SH3GL3: variants seen among roughly 807,000 people sequenced by gnomAD.
SH3GL3 encodes endophilin-A3.
Under a neutral mutation model 47.7 loss-of-function variants are expected in SH3GL3, and 33 were observed. The ratio of observed to expected loss-of-function variants is 0.69; its 90% CI spans 0.52 to 0.92. The LOEUF (loss-of-function observed/expected upper bound fraction) is 0.92. Among genes scored for constraint, SH3GL3 ranks in the 40% least tolerant of loss-of-function variants. SH3GL3 has a pLI of 0.00. For synonymous variants in SH3GL3, 155 were observed against 148.8 expected, an observed-to-expected ratio of 1.04 and a Z score of -0.30; for missense variants, 363 against 417.8, an observed-to-expected ratio of 0.87 and a Z score of 1.14.
intron 1 of SH3GL3, among the ~76,000 whole-genome samples, chr15:83,492,758 C>T (rs1436968512): frequency 6.6e-6 from 1 of 152,224 alleles, no homozygotes; most frequent in Non-Finnish European, 1.5e-5. Context: ...CAGTGGTGCC[C>T]CACACTGTTT....
chr15:83,506,126 A>G (rs2042490493), intron 1 of SH3GL3, among the ~76,000 whole-genome samples: 1 of 152,118 alleles, frequency 6.6e-6, no homozygotes, highest in Non-Finnish European at 1.5e-5. Flanking sequence ...CTTTGCCATT[A>G]TAGTTCCTGA....
chr15:83,513,204 A>G (rs1429026365), intron 1 of SH3GL3, among the ~76,000 whole-genome samples: 1 of 152,238 alleles, frequency 6.6e-6, no homozygotes, highest in Non-Finnish European at 1.5e-5. Flanking sequence ...GTCTTTGAGA[A>G]GTTTTTTAAT....
At chr15:83,473,855 CTTT>C (rs369520024) in intron 1 of SH3GL3, among the ~76,000 whole-genome samples, 2 of 139,232 alleles carry the variant, frequency 1.4e-5, no homozygotes. Flanking sequence ...CCTGTTGGGG[CTTT>C]TTTTTTTTTT....
chr15:83,517,173 T>C lies in SH3GL3; in HGVS notation c.46-42080T>C, dbSNP rs1421296436. ...AGATGATGACACATTGTTTTCCATGTGACTTTCTTTCTTTTCTTTTTCTTT... is the reference window on the plus strand; with the variant it reads ...AGATGATGACACATTGTTTTCCATGCGACTTTCTTTCTTTTCTTTTTCTTT... On this transcript the variant is annotated intron_variant, in intron 1 of 8. Transcript: ENST00000427482. Among the ~76,000 whole-genome samples, 5 of 151,772 alleles carry C rather than the reference T, an allele frequency of 3.3e-5. No homozygotes were observed. The East Asian group carries it at 9.7e-4, about 30-fold the overall frequency.
At chr15:83,458,056 G>C (rs117111500) in intron 1 of SH3GL3, among the ~76,000 whole-genome samples, 2 of 152,290 alleles carry the variant, frequency 1.3e-5, no homozygotes, top group African/African-American at 4.8e-5. Flanking sequence ...TGTATTTGGG[G>C]AAGCTATTAC....
intron 1 of SH3GL3, among the ~76,000 whole-genome samples, chr15:83,538,627 A>G (rs960155426): frequency 6.6e-6 from 1 of 152,228 alleles, no homozygotes; most frequent in East Asian, 1.9e-4. Context: ...ATGTAATTAG[A>G]CATAAATATA....
intron 1 of SH3GL3, among the ~76,000 whole-genome samples, chr15:83,460,054 C>CTCCA (rs2040207103): frequency 2.0e-5 from 1 of 51,206 alleles, no homozygotes; most frequent in East Asian, 6.9e-4. Flanking sequence ...CCCTCCCTCC[C>CTCCA]TGCCTCCCTC....
At chr15:83,576,839 G>T (rs1367653946) in intron 6 of SH3GL3, 98 bp downstream of exon 6, 2 of 800,860 alleles carry the variant, frequency 2.5e-6, no homozygotes, top group Non-Finnish European at 3.8e-6. Context: ...AAGCAGGAGT[G>T]TCCAATCTTT....
chr15:83,523,566 A>T (rs924399663), intron 1 of SH3GL3, among the ~76,000 whole-genome samples: 3 of 152,308 alleles, frequency 2.0e-5, no homozygotes, highest in Non-Finnish European at 2.9e-5. Context: ...TTGAGTTAGG[A>T]ATTAGTTCAC....
chr15:83,494,044 CGTT>C (rs1567270535), intron 1 of SH3GL3, among the ~76,000 whole-genome samples: 1 of 152,184 alleles, frequency 6.6e-6, no homozygotes, highest in African/African-American at 2.4e-5. Context: ...AAGCCTGAGT[CGTT>C]GTTAGGGCAT....
chr15:83,546,343 C>T (rs2044396050), intron 1 of SH3GL3, among the ~76,000 whole-genome samples: 1 of 151,886 alleles, frequency 6.6e-6, no homozygotes, highest in Non-Finnish European at 1.5e-5. Flanking sequence ...AGCTTGGCTA[C>T]TGCTGATGTT....
At chr15:83,508,561 G>T (rs535078854) in intron 1 of SH3GL3, among the ~76,000 whole-genome samples, 1 of 151,962 alleles carries the variant, frequency 6.6e-6, no homozygotes, top group Non-Finnish European at 1.5e-5. Flanking sequence ...CTGGAATATT[G>T]TAGGGACAAG....
At chr15:83,453,357 G>T in intron 1 of SH3GL3, among the ~76,000 whole-genome samples, 1 of 66,552 alleles carries the variant, frequency 1.5e-5, no homozygotes. Context: ...TTTTTCTATT[G>T]ATTGGAATAG....
At chr15:83,603,336 C>A (rs1567030252) in intron 8 of SH3GL3, among the ~76,000 whole-genome samples, 1 of 152,194 alleles carries the variant, frequency 6.6e-6, no homozygotes, top group Admixed American at 6.5e-5. Flanking sequence ...TACCTCCAGG[C>A]AGTTCCATGT....
intron 1 of SH3GL3, among the ~76,000 whole-genome samples, chr15:83,542,741 A>G (rs1459626911): frequency 6.6e-6 from 1 of 151,952 alleles, no homozygotes; most frequent in Non-Finnish European, 1.5e-5. Flanking sequence ...AAATGTGTTT[A>G]CTTTATTGAT....
intron 1 of SH3GL3, among the ~76,000 whole-genome samples, chr15:83,450,131 T>G (rs1310146057): frequency 6.6e-6 from 1 of 152,208 alleles, no homozygotes; most frequent in Admixed American, 6.5e-5. Context: ...GGACCTTGGT[T>G]TCTATCTGTA....
intron 1 of SH3GL3, among the ~76,000 whole-genome samples, chr15:83,473,936 G>C: frequency 6.6e-6 from 1 of 151,002 alleles, no homozygotes; most frequent in East Asian, 2.0e-4. Flanking sequence ...GAGGGAAAAA[G>C]AAAACTGAGA....
At chr15:83,498,963 C>G (rs574794196) in intron 1 of SH3GL3, among the ~76,000 whole-genome samples, 22 of 152,292 alleles carry the variant, frequency 1.4e-4, no homozygotes, top group African/African-American at 5.3e-4. Flanking sequence ...AAATAAGCTT[C>G]TCCTCCACCT....
At chr15:83,623,662 G>C (rs769065447), downstream of SH3GL3, among the ~76,000 whole-genome samples, 13 of 152,190 alleles carry the variant, frequency 8.5e-5, no homozygotes, top group Non-Finnish European at 1.9e-4. Flanking sequence ...AAAGAAGTAG[G>C]GATATTAATG....
Sources: gnomAD v4.1 joint callset for allele counts (sites outside exome capture counted in the v4.1 genomes callset) on GRCh38, gnomAD v4.1.1 for gene constraint, MANE v1.5 for transcripts, NCBI Gene and HGNC (gene_info 2026-07-23, HGNC 2026-07-21) for gene names.